Variants in EEFSEC observed in about 807,000 individuals in gnomAD.
The protein encoded by EEFSEC is selenocysteine-specific elongation factor.
In EEFSEC, 43 loss-of-function variants were observed where a neutral mutation model predicts 42.1. That is an observed-to-expected ratio of 1.02 (90% confidence interval 0.80 to 1.32). The LOEUF (loss-of-function observed/expected upper bound fraction) is 1.32. EEFSEC is among the 40% of genes most tolerant of loss of function. The pLI, the probability that EEFSEC is intolerant of heterozygous loss-of-function variation, is 0.00. For missense variants in EEFSEC, 745 were observed against 803.6 expected, an observed-to-expected ratio of 0.93 and a Z score of 0.88; for synonymous variants, 354 against 339.1, an observed-to-expected ratio of 1.04 and a Z score of -0.48.
chr3:128,250,875 A>G (rs1005203439), intron 2 of EEFSEC, among the ~76,000 whole-genome samples: 8 of 128,462 alleles, frequency 6.2e-5, no homozygotes, highest in Admixed American at 1.5e-4. Flanking sequence ...GAACCATAGG[A>G]TATGTTTTTG....
At chr3:128,357,264 C>T (rs2067465784) in intron 5 of EEFSEC, among the ~76,000 whole-genome samples, 1 of 152,272 alleles carries the variant, frequency 6.6e-6, no homozygotes, top group Admixed American at 6.5e-5. Context: ...GTGACACTTC[C>T]AGTCGCTGAT....
chr3:128,350,971 G>A (rs926712823), intron 5 of EEFSEC, among the ~76,000 whole-genome samples: 1 of 152,180 alleles, frequency 6.6e-6, no homozygotes, highest in Non-Finnish European at 1.5e-5. Context: ...GTCAATCCTG[G>A]TGGCTTTCAA....
intron 1 of EEFSEC, among the ~76,000 whole-genome samples, chr3:128,200,808 C>G (rs1177886658): frequency 6.6e-6 from 1 of 152,204 alleles, no homozygotes; most frequent in African/African-American, 2.4e-5. Flanking sequence ...TTACACCACC[C>G]AGATTGTCTC....
At chr3:128,338,174 G>A (rs2067210913) in intron 4 of EEFSEC, among the ~76,000 whole-genome samples, 1 of 152,152 alleles carries the variant, frequency 6.6e-6, no homozygotes, top group African/African-American at 2.4e-5. Flanking sequence ...ATACAACAAA[G>A]CAAATTACTG....
intron 6 of EEFSEC, among the ~76,000 whole-genome samples, chr3:128,395,927 G>A (rs1216417511): frequency 1.3e-5 from 2 of 152,114 alleles, no homozygotes; most frequent in East Asian, 1.9e-4. Context: ...CCAAAGCTCC[G>A]AGCAGGCCAG....
chr3:128,161,156 C>T (rs761454340), intron 1 of EEFSEC, among the ~76,000 whole-genome samples: 3 of 152,134 alleles, frequency 2.0e-5, no homozygotes, highest in Non-Finnish European at 4.4e-5. Context: ...AAAGTGTACC[C>T]GTCCATTCCA....
intron 1 of EEFSEC, among the ~76,000 whole-genome samples, chr3:128,170,083 A>C (rs2065279891): frequency 6.6e-6 from 1 of 152,038 alleles, no homozygotes; most frequent in Non-Finnish European, 1.5e-5. Flanking sequence ...TAATTTTTGT[A>C]CCTCAGAACC....
At chr3:128,188,860 T>C (rs1380730439) in intron 1 of EEFSEC, among the ~76,000 whole-genome samples, 1 of 152,152 alleles carries the variant, frequency 6.6e-6, no homozygotes, top group Non-Finnish European at 1.5e-5. Flanking sequence ...CTTGCCCACC[T>C]GTTGTCCTCC....
At chr3:128,354,414 C>T (rs138767367) in intron 5 of EEFSEC, among the ~76,000 whole-genome samples, 18 of 152,276 alleles carry the variant, frequency 1.2e-4, no homozygotes, top group African/African-American at 3.1e-4. Flanking sequence ...CACCTTATCC[C>T]GGATGCTTAA....
At chr3:128,243,351 A>G (rs2066092769) in intron 1 of EEFSEC, among the ~76,000 whole-genome samples, 1 of 152,222 alleles carries the variant, frequency 6.6e-6, no homozygotes, top group Non-Finnish European at 1.5e-5. Context: ...TCCCATCCAC[A>G]GGATCTCAAT....
chr3:128,409,113 C>T (rs904506991), downstream of EEFSEC, among the ~76,000 whole-genome samples: 19 of 152,296 alleles, frequency 1.2e-4, no homozygotes, highest in Admixed American at 1.2e-3. Context: ...CTTGTAGCCC[C>T]AGGCTGTGGG....
At chr3:128,380,926 C>T (rs901901592) in intron 6 of EEFSEC, among the ~76,000 whole-genome samples, 1 of 152,210 alleles carries the variant, frequency 6.6e-6, no homozygotes, top group African/African-American at 2.4e-5. Context: ...TCACCGTTCC[C>T]GCCAGGTGAT....
chr3:128,335,922 C>T (rs1473730323), intron 4 of EEFSEC, among the ~76,000 whole-genome samples: 1 of 152,230 alleles, frequency 6.6e-6, no homozygotes, highest in Non-Finnish European at 1.5e-5. Flanking sequence ...TTTCCCCTGA[C>T]ATCAGAGCGT....
At chr3:128,169,963 A>G (rs1267124929) in intron 1 of EEFSEC, among the ~76,000 whole-genome samples, 1 of 152,140 alleles carries the variant, frequency 6.6e-6, no homozygotes, top group Non-Finnish European at 1.5e-5. Context: ...GCGGTGGGGC[A>G]GGCGGCATAT....
chr3:128,313,885 T>A (rs2066916424), intron 4 of EEFSEC, among the ~76,000 whole-genome samples: 1 of 152,226 alleles, frequency 6.6e-6, no homozygotes, highest in Non-Finnish European at 1.5e-5. Context: ...GGGTCCCTGG[T>A]CTCTCCCTCC....
chr3:128,301,680 G>T (rs1376640263), intron 4 of EEFSEC, among the ~76,000 whole-genome samples: 5 of 152,140 alleles, frequency 3.3e-5, no homozygotes, highest in African/African-American at 1.2e-4. Context: ...TGGCAACTTT[G>T]TTTCTCTCCT....
At chr3:128,254,180 G>A (rs534449009) in intron 2 of EEFSEC, among the ~76,000 whole-genome samples, 1 of 152,310 alleles carries the variant, frequency 6.6e-6, no homozygotes, top group South Asian at 2.1e-4. Context: ...TGGCTCCTCA[G>A]AGTAGCAAGG....
At chr3:128,196,844 C>T (rs1461788806) in intron 1 of EEFSEC, among the ~76,000 whole-genome samples, 1 of 152,192 alleles carries the variant, frequency 6.6e-6, no homozygotes, top group Non-Finnish European at 1.5e-5. Flanking sequence ...CTCAAAGAGC[C>T]TCGCACAGTG....
intron 6 of EEFSEC, among the ~76,000 whole-genome samples, chr3:128,359,954 A>G (rs527715202): frequency 1.8e-4 from 28 of 152,284 alleles, no homozygotes; most frequent in African/African-American, 6.0e-4. Flanking sequence ...CCTTCCTTTC[A>G]AAGTCCTTCC....
Sources: gnomAD v4.1 joint callset for allele counts (sites outside exome capture counted in the v4.1 genomes callset) on GRCh38, gnomAD v4.1.1 for gene constraint, MANE v1.5 for transcripts, NCBI Gene and HGNC (gene_info 2026-07-23, HGNC 2026-07-21) for gene names.